The following DCHS2 variants were observed in gnomAD, a reference collection of about 807,000 sequenced individuals.
DCHS2 encodes dachsous cadherin-related 2.
Under a neutral mutation model 182.4 loss-of-function variants are expected in DCHS2, and 142 were observed. That is an observed-to-expected ratio of 0.78 (90% CI 0.68 to 0.89). DCHS2 has a LOEUF of 0.89. DCHS2 is among the 40% of genes least tolerant of loss of function. The probability of loss-of-function intolerance (pLI) is 0.00; values close to 1 mark genes in which losing one functional copy is unlikely to be tolerated. For synonymous variants in DCHS2, 1,740 were observed against 1,663.3 expected, an observed-to-expected ratio of 1.05 and a Z score of -1.12; for missense variants, 4,319 against 4,198.6, an observed-to-expected ratio of 1.03 and a Z score of -0.79.
rs186020630 is a variant in DCHS2, at chr4:154,389,929, T to A, written c.2053-12485A>T. 2.2e-3 allele frequency among the ~76,000 whole-genome samples: 333 copies of A among 152,224 alleles called. 1 individual carries two copies. The highest frequency in any genetic ancestry group is 7.6e-3 in the African/African-American group (314 of 41,548). ...GCCTTGTCTGCCCTCACAGGTAAGA[T>A]ACTCATCTTTAAGAGAATAATTAAT... On this transcript the variant is annotated intron_variant, in intron 1 of 19. Coordinates refer to ENST00000357232, the MANE Select transcript of DCHS2 (RefSeq NM_001358235.2).
intron 1 of DCHS2, among the ~76,000 whole-genome samples, chr4:154,447,989 T>TA (rs1022377798): frequency 6.6e-6 from 1 of 152,172 alleles, no homozygotes; most frequent in Non-Finnish European, 1.5e-5. Flanking sequence ...CCTCACCTCC[T>TA]ATTCCCTCTT....
rs376079945 is a variant in DCHS2 at position 154,401,217 on chromosome 4, G to T, written c.2053-23773C>A. The stretch of plus-strand genomic sequence containing the variant: ...AAGTTTTTTGAGATTCATCCCTATT[G>T]TTTCATGTTTTAGTAGTATTCTATT... On this transcript the variant is annotated intron_variant, in intron 1 of 19. Coordinates refer to ENST00000357232, the MANE Select transcript of DCHS2 (RefSeq NM_001358235.2). 3.2e-4 allele frequency among the ~76,000 whole-genome samples: 49 copies of T among 152,040 alleles called. No homozygotes were observed. In the East Asian group the frequency reaches 3.7e-3, roughly 11 times the overall value.
chr4:154,390,898 T>C (rs1731669641), intron 1 of DCHS2, among the ~76,000 whole-genome samples: 1 of 152,214 alleles, frequency 6.6e-6, no homozygotes, highest in African/African-American at 2.4e-5. Context: ...ACACAAAAAG[T>C]ATATGATTAG....
chr4:154,467,631 T>C lies in DCHS2; in HGVS notation c.2052+21673A>G, dbSNP rs533181886. Among the ~76,000 whole-genome samples the C allele has an allele frequency of 1.1e-4, 16 of 152,280 alleles. No individual in the cohort carries two copies. In the South Asian group the frequency reaches 1.2e-3, roughly 12 times the overall value. On this transcript the variant is annotated intron_variant, in intron 1 of 19. Coordinates refer to ENST00000357232, the MANE Select transcript of DCHS2 (RefSeq NM_001358235.2). ...AGAGGTATATTATGTCCAAGTATAA[T>C]ACTTAATATATTTACATGTTTCTGG...
chr4:154,456,745 A>C (rs1052218914), intron 1 of DCHS2, among the ~76,000 whole-genome samples: 25 of 152,198 alleles, frequency 1.6e-4, no homozygotes, highest in African/African-American at 6.0e-4. Flanking sequence ...TTTGAGTCAG[A>C]GCTATAGGTA....
chr4:154,405,480 C>T (rs1732362718), intron 1 of DCHS2, among the ~76,000 whole-genome samples: 2 of 150,724 alleles, frequency 1.3e-5, no homozygotes, highest in South Asian at 4.2e-4. Flanking sequence ...ATTTTCATTG[C>T]TCCATTCACT....
chr4:154,236,645 G>A lies in DCHS2; in HGVS notation c.8007C>T (p.Ser2669=). ...TGCTTTCCTTGACATGGGTGTGATAGCTCAGGCTGCTGAAGTTTGGGGGAT... is the reference window on the plus strand; with the variant it reads ...TGCTTTCCTTGACATGGGTGTGATAACTCAGGCTGCTGAAGTTTGGGGGAT... The part of the protein sequence containing the change: ...NDNPPNFSSL[S]YHTHVKESTP... Residue 2669 remains serine, a synonymous_variant, in exon 20 of 20, where the codon AGC becomes AGT. Coordinates refer to ENST00000357232, the MANE Select transcript of DCHS2 (RefSeq NM_001358235.2). The A allele has an allele frequency of 6.2e-7, 1 of 1,614,022 alleles. No homozygotes were observed. Among genetic ancestry groups the A allele is most frequent in the African/African-American group, 1.3e-5 (1 of 75,046 alleles).
Position 154,234,929 on chromosome 4 carries a change from C to A in DCHS2, c.9723G>T (p.Glu3241Asp), listed in dbSNP as rs753533849. 90 of 1,613,792 alleles carry A rather than the reference C, an allele frequency of 5.6e-5. No individual in the cohort carries two copies. The highest frequency in any genetic ancestry group is 7.5e-5 in the Non-Finnish European group (88 of 1,179,918). ...CTGAGGCAAGAGGTTGGAATTTGGG[C>A]TCCCAACTAAGAAGATAATTCCAGT... ...NYHWNYLLSW[E>D]PKFQPLASVF... The change falls in exon 20 of 20, where the codon GAG becomes GAT. Residue 3241 changes from glutamate (E) to aspartate (D), a missense_variant. Coordinates refer to ENST00000357232, the MANE Select transcript of DCHS2 (RefSeq NM_001358235.2).
At chr4:154,472,256 T>A (rs1735502832) in intron 1 of DCHS2, among the ~76,000 whole-genome samples, 1 of 152,228 alleles carries the variant, frequency 6.6e-6, no homozygotes, top group Admixed American at 6.5e-5. Context: ...CTGAGATCTC[T>A]TCCAAGTCTA....
intron 13 of DCHS2, among the ~76,000 whole-genome samples, chr4:154,288,963 A>G (rs181414032): frequency 2.0e-5 from 3 of 152,072 alleles, no homozygotes; most frequent in Admixed American, 2.0e-4. Context: ...AAGTGCCTAC[A>G]TCAAAAAAGT....
At chr4:154,357,289 C>CAGCA in intron 3 of DCHS2, 1 of 1,613,380 alleles carries the variant, frequency 6.2e-7, no homozygotes, top group Non-Finnish European at 8.5e-7. Flanking sequence ...GAAAAGTTGA[C>CAGCA]AGCACTCAGA....
intron 3 of DCHS2, among the ~76,000 whole-genome samples, chr4:154,362,587 G>C (rs72968010): frequency 0.066 from 9,966 of 152,136 alleles, 824 homozygotes; most frequent in African/African-American, 0.2. Context: ...GAAGACTACA[G>C]TTGAGCCTTG....
chr4:154,244,084 A>C (rs1560978843), intron 16 of DCHS2, among the ~76,000 whole-genome samples: 1 of 152,208 alleles, frequency 6.6e-6, no homozygotes, highest in African/African-American at 2.4e-5. Context: ...CATTTGATTT[A>C]AATGCACCTT....
chr4:154,322,189 A>G, intron 8 of DCHS2, 142 bp downstream of exon 8: 1 of 1,217,774 alleles, frequency 8.2e-7, no homozygotes, highest in East Asian at 2.5e-5. Context: ...TGCTATGTGC[A>G]ATGCTCTCAA....
chr4:154,320,300 T>G, intron 9 of DCHS2, 79 bp downstream of exon 9: 4 of 1,525,820 alleles, frequency 2.6e-6, no homozygotes, highest in Non-Finnish European at 3.5e-6. Flanking sequence ...ACTTAAAACT[T>G]TGTTAGGAGG....
chr4:154,348,832 G>A (rs891889028), intron 3 of DCHS2, among the ~76,000 whole-genome samples: 4 of 151,920 alleles, frequency 2.6e-5, no homozygotes, highest in South Asian at 2.1e-4. Context: ...CACCCAGTGC[G>A]TGGTGCTTTG....
intron 16 of DCHS2, among the ~76,000 whole-genome samples, chr4:154,245,480 G>A (rs547555396): frequency 8.6e-5 from 13 of 152,020 alleles, no homozygotes; most frequent in Non-Finnish European, 1.6e-4. Flanking sequence ...TACTAAACTT[G>A]TTGGTAGAGG....
intron 15 of DCHS2, among the ~76,000 whole-genome samples, chr4:154,257,220 C>A (rs1233570052): frequency 6.6e-6 from 1 of 152,138 alleles, no homozygotes; most frequent in Non-Finnish European, 1.5e-5. Flanking sequence ...CACACTCCAG[C>A]CTGGCGACAG....
chr4:154,244,299 G>C (rs1161020101), intron 16 of DCHS2, among the ~76,000 whole-genome samples: 3 of 152,168 alleles, frequency 2.0e-5, no homozygotes, highest in East Asian at 3.8e-4. Flanking sequence ...CTGGGATTCA[G>C]GTTCATGTGT....
Sources: gnomAD v4.1 joint callset for allele counts (sites outside exome capture counted in the v4.1 genomes callset) on GRCh38, gnomAD v4.1.1 for gene constraint, MANE v1.5 for transcripts, NCBI Gene and HGNC (gene_info 2026-07-23, HGNC 2026-07-21) for gene names.